JADE3: variants seen among roughly 807,000 people sequenced by gnomAD.
JADE3 encodes the protein protein Jade-3.
Under a neutral mutation model 50.1 loss-of-function variants are expected in JADE3, and 2 were observed. The ratio of observed to expected loss-of-function variants is 0.04; its 90% CI spans 0.02 to 0.13. The LOEUF is 0.13. Among genes scored for constraint, JADE3 ranks in the 10% least tolerant of loss-of-function variants. The probability of loss-of-function intolerance (pLI) is 1.00; values close to 1 mark genes in which losing one functional copy is unlikely to be tolerated. For missense variants in JADE3, 475 were observed against 634.4 expected (o/e 0.75, Z 2.70); for synonymous variants, 218 against 232.9 (o/e 0.94, Z 0.58).
intron 8 of JADE3, among the ~76,000 whole-genome samples, chrX:47,045,968 G>T (rs1431388937): frequency 9.0e-6 from 1 of 110,588 alleles, no homozygotes; most frequent in Non-Finnish European, 1.9e-5. Flanking sequence ...ACCTTATGAT[G>T]CATCTTAAAG....
intron 3 of JADE3, among the ~76,000 whole-genome samples, chrX:46,987,871 G>T (rs1171164043): frequency 8.9e-6 from 1 of 111,944 alleles, no homozygotes; most frequent in Non-Finnish European, 1.9e-5. Context: ...AAAGCAAATT[G>T]TTTTCGTTTA....
chrX:47,005,225 G>A (rs367779696), intron 4 of JADE3, among the ~76,000 whole-genome samples: 14 of 111,627 alleles, frequency 1.3e-4, no homozygotes, highest in Admixed American at 8.6e-4. Flanking sequence ...CCGCCTATCA[G>A]ACAGGAAACC....
In JADE3 at chrX:47,038,991, A is replaced by C. The variant is rs1556368872; in HGVS notation, c.898A>C (p.Ile300Leu). Residue 300 changes from isoleucine (I) to leucine (L), a missense_variant, in exon 8 of 11, where the codon ATC becomes CTC. Physicochemically the swap from Ile to Leu is conservative, Grantham distance 5. Transcript: ENST00000614628. ...TGAGAGGATGGAACCGATCACGAAG[A>C]TCTCCCACATCCCACCCAGTCGGTG... ...CPERMEPITKISHIPPSRWAL... is the reference protein window; with the variant it reads ...CPERMEPITKLSHIPPSRWAL... 2.5e-6 allele frequency: 3 copies of C among 1,202,498 alleles called. No homozygotes were observed. The Admixed American group carries it at 6.6e-5, about 26-fold the overall frequency.
chrX:47,031,159 C>T (rs1227598164), intron 6 of JADE3, among the ~76,000 whole-genome samples: 1 of 111,287 alleles, frequency 9.0e-6, no homozygotes, highest in Non-Finnish European at 1.9e-5. Flanking sequence ...GATGTTCTGC[C>T]CTATAGACTG....
chrX:46,921,389 C>CT (rs1327066684), intron 1 of JADE3, among the ~76,000 whole-genome samples: 1 of 112,454 alleles, frequency 8.9e-6, no homozygotes, highest in Non-Finnish European at 1.9e-5. Context: ...TGGCTTTTTT[C>CT]TTCTTTTTCA....
chrX:47,000,614 A>T (rs782443952), intron 4 of JADE3, among the ~76,000 whole-genome samples: 3 of 111,584 alleles, frequency 2.7e-5, no homozygotes, highest in Non-Finnish European at 5.7e-5. Flanking sequence ...GTGCAGTGGC[A>T]TGTTGTCAGC....
At chrX:47,016,648 G>A (rs1475890773) in intron 4 of JADE3, among the ~76,000 whole-genome samples, 9 of 109,862 alleles carry the variant, frequency 8.2e-5, no homozygotes, top group African/African-American at 9.9e-5. Context: ...ATTTGTGGCC[G>A]TCTTTGATCT....
intron 4 of JADE3, among the ~76,000 whole-genome samples, chrX:47,007,503 C>T (rs1209853498): frequency 1.8e-5 from 2 of 111,481 alleles, no homozygotes; most frequent in African/African-American, 6.5e-5. Context: ...CTTGATGACA[C>T]TTTTATCATT....
At chrX:47,031,518 GA>G (rs200338161) in intron 6 of JADE3, among the ~76,000 whole-genome samples, 7 of 108,811 alleles carry the variant, frequency 6.4e-5, no homozygotes, top group South Asian at 3.9e-4. Context: ...TTAATTAAAA[GA>G]AAAAAAAATA....
intron 1 of JADE3, among the ~76,000 whole-genome samples, chrX:46,954,257 G>A (rs1401206057): frequency 2.7e-5 from 3 of 111,670 alleles, no homozygotes; most frequent in African/African-American, 9.8e-5. Context: ...AGGAATGTGG[G>A]TCTAGAAAGA....
chrX:46,987,607 A>G (rs1556354917), intron 3 of JADE3, among the ~76,000 whole-genome samples: 1 of 112,267 alleles, frequency 8.9e-6, no homozygotes, highest in Non-Finnish European at 1.9e-5. Flanking sequence ...TTATTTATAT[A>G]TGTCCATGTC....
At chrX:46,990,328 C>A (rs1054967713) in intron 3 of JADE3, among the ~76,000 whole-genome samples, 7 of 111,515 alleles carry the variant, frequency 6.3e-5, no homozygotes, top group African/African-American at 2.3e-4. Context: ...TCTGCTATAA[C>A]CAGGCAAGTG....
At chrX:47,049,679 G>A (rs1224384589) in intron 8 of JADE3, among the ~76,000 whole-genome samples, 2 of 102,590 alleles carry the variant, frequency 1.9e-5, no homozygotes, top group Non-Finnish European at 3.9e-5. Context: ...CTCCTGGACT[G>A]TAACAGTCCT....
At chrX:46,934,019 G>GT (rs1187201718) in intron 1 of JADE3, among the ~76,000 whole-genome samples, 32 of 111,974 alleles carry the variant, frequency 2.9e-4, no homozygotes, top group African/African-American at 8.4e-4. Flanking sequence ...TGTTTTTGAG[G>GT]TTTTTTCCCT....
intron 4 of JADE3, among the ~76,000 whole-genome samples, chrX:47,014,472 C>G (rs1334650630): frequency 8.9e-6 from 1 of 111,881 alleles, no homozygotes; most frequent in African/African-American, 3.2e-5. Context: ...TCCCCATGAA[C>G]TTTTTGTAAA....
intron 6 of JADE3, 149 bp from the exon 7 acceptor site, chrX:47,033,472 T>A (rs1013457282): frequency 3.4e-5 from 14 of 417,426 alleles, no homozygotes; most frequent in Non-Finnish European, 5.1e-5. Context: ...TGAGTATTTT[T>A]AAATCACTCG....
At position 46,994,377 on chromosome X, in the gene JADE3, A is replaced by C. The variant is rs1339357569; in HGVS notation, c.127-3743A>C. 1.2e-4 allele frequency among the ~76,000 whole-genome samples: 14 copies of C among 112,097 alleles called. No individual in the cohort carries two copies. The East Asian group carries it at 3.6e-3, about 29-fold the overall frequency. ...CAGTGAATCCCCTCTTTGACCATAA[A>C]TGAACAGTTATCTGGTAAGTACAAA... is the stretch of plus-strand genomic sequence containing the variant. On this transcript the variant is annotated intron_variant, in intron 3 of 10. Coordinates refer to ENST00000614628, the MANE Select transcript of JADE3 (RefSeq NM_014735.5).
chrX:47,010,659 A>G (rs1398769479), intron 4 of JADE3, among the ~76,000 whole-genome samples: 1 of 111,000 alleles, frequency 9.0e-6, no homozygotes, highest in East Asian at 2.8e-4. Context: ...CTAGAAAGAA[A>G]TCCCACATCT....
chrX:46,990,793 T>G (rs782273496), intron 3 of JADE3, among the ~76,000 whole-genome samples: 1 of 110,473 alleles, frequency 9.1e-6, no homozygotes, highest in African/African-American at 3.3e-5. Context: ...CAATCATAAT[T>G]TAGAACATTT....
Sources: gnomAD v4.1 joint callset for allele counts (sites outside exome capture counted in the v4.1 genomes callset) on GRCh38, gnomAD v4.1.1 for gene constraint, MANE v1.5 for transcripts, NCBI Gene and HGNC (gene_info 2026-07-23, HGNC 2026-07-21) for gene names.